SIPA1L1: variants seen among roughly 807,000 people sequenced by gnomAD.
SIPA1L1 encodes signal-induced proliferation-associated 1-like protein 1.
SIPA1L1 carries 26 observed loss-of-function variants against 162.7 expected under a neutral mutation model. The ratio of observed to expected loss-of-function variants is 0.16; its 90% CI spans 0.12 to 0.22. The LOEUF is 0.22. Among genes scored for constraint, SIPA1L1 ranks in the 10% least tolerant of loss-of-function variants. The probability of loss-of-function intolerance (pLI) is 1.00; values close to 1 mark genes in which losing one functional copy is unlikely to be tolerated. For missense variants in SIPA1L1, 1,874 were observed against 2,241.0 expected, an observed-to-expected ratio of 0.84 and a Z score of 3.31; for synonymous variants, 829 against 837.4, an observed-to-expected ratio of 0.99 and a Z score of 0.17.
chr14:71,602,464 T>C (rs1257646111), intron 5 of SIPA1L1, among the ~76,000 whole-genome samples: 1 of 152,264 alleles, frequency 6.6e-6, no homozygotes, highest in African/African-American at 2.4e-5. Context: ...TTGAGACTTA[T>C]TTGGGTCCTA....
intron 2 of SIPA1L1, among the ~76,000 whole-genome samples, chr14:71,480,969 T>G (rs937600840): frequency 3.9e-5 from 6 of 152,214 alleles, no homozygotes; most frequent in Non-Finnish European, 7.3e-5. Context: ...ATATGTAAAT[T>G]TACATTTAGT....
chr14:71,603,969 A>G (rs1441843924), intron 5 of SIPA1L1, among the ~76,000 whole-genome samples: 1 of 144,764 alleles, frequency 6.9e-6, no homozygotes, highest in Non-Finnish European at 1.5e-5. Context: ...ATTTATATAT[A>G]GATATATTTA....
At chr14:71,531,644 A>G (rs1290270151) in intron 4 of SIPA1L1, among the ~76,000 whole-genome samples, 1 of 152,102 alleles carries the variant, frequency 6.6e-6, no homozygotes, top group Non-Finnish European at 1.5e-5. Context: ...AGCTCATTGC[A>G]GCCTCGACCT....
At chr14:71,494,567 C>G (rs373977074) in intron 2 of SIPA1L1, among the ~76,000 whole-genome samples, 1 of 148,488 alleles carries the variant, frequency 6.7e-6, no homozygotes, top group East Asian at 1.9e-4. Context: ...TACTGTGTCA[C>G]CCAGGCTGGA....
At chr14:71,447,212 C>G (rs1397489688) in intron 2 of SIPA1L1, among the ~76,000 whole-genome samples, 1 of 151,866 alleles carries the variant, frequency 6.6e-6, no homozygotes, top group Non-Finnish European at 1.5e-5. Flanking sequence ...CCACGCTTAT[C>G]CTCTGTTAGC....
chr14:71,672,362 C>T lies in SIPA1L1; in HGVS notation c.2844C>T (p.Gly948=). Residue 948 remains glycine, a synonymous_variant, in exon 12 of 24, where the codon GGC becomes GGT. Transcript: ENST00000381232. ...TCCTTGTCTAGTTTGTTTCAAAAGG[C>T]TGTGAATCGGTGGAGATGACTCTGC... is the stretch of plus-strand genomic sequence containing the variant. ...IVKRLQFVSK[G]CESVEMTLRR... 6.2e-7 allele frequency: 1 copy of T among 1,614,096 alleles called. No homozygotes were observed. Among genetic ancestry groups the T allele is most frequent in the Non-Finnish European group, 8.5e-7 (1 of 1,179,958 alleles).
At chr14:71,717,535 C>T (rs2083366735) in intron 17 of SIPA1L1, among the ~76,000 whole-genome samples, 1 of 152,128 alleles carries the variant, frequency 6.6e-6, no homozygotes, top group Admixed American at 6.5e-5. Flanking sequence ...ATTCCTATGA[C>T]AAGATTTAAC....
chr14:71,463,291 T>C lies in SIPA1L1; in HGVS notation c.-464-49452T>C, dbSNP rs182268785. Among the ~76,000 whole-genome samples the C allele has an allele frequency of 1.4e-3, 211 of 152,286 alleles. 1 individual carries two copies. The highest frequency in any genetic ancestry group is 6.8e-3 in the Middle Eastern group (2 of 294). ...GAGCCAATCTGGGGGTTCTACCAGC[T>C]CCTAATTATGCCTATGCCAATTACG... On this transcript the variant is annotated intron_variant, in intron 2 of 23. Coordinates refer to ENST00000381232, the MANE Select transcript of SIPA1L1 (RefSeq NM_001386936.1).
chr14:71,732,696 C>T (rs1030703087), intron 20 of SIPA1L1, among the ~76,000 whole-genome samples: 2 of 152,336 alleles, frequency 1.3e-5, no homozygotes, highest in Middle Eastern at 3.4e-3. Context: ...AAGAATAGCT[C>T]GTGTGATGAC....
chr14:71,724,658 T>C lies in SIPA1L1; in HGVS notation c.4449-12T>C, dbSNP rs747052724. ...GAGTTGGTATCTATCATCTCTTCCC[T>C]TTTTTGTCCAGGCGTCATCAGAGCG... On this transcript the variant is annotated splice_polypyrimidine_tract_variant and intron_variant, in intron 18 of 23. Coordinates refer to ENST00000381232, the MANE Select transcript of SIPA1L1 (RefSeq NM_001386936.1). 1.2e-5 allele frequency: 20 copies of C among 1,606,342 alleles called. No homozygotes were observed. Among genetic ancestry groups the C allele is most frequent in the Admixed American group, 6.9e-5 (4 of 58,170 alleles).
At chr14:71,438,757 G>A (rs1347252679) in intron 2 of SIPA1L1, among the ~76,000 whole-genome samples, 1 of 152,138 alleles carries the variant, frequency 6.6e-6, no homozygotes, top group Non-Finnish European at 1.5e-5. Flanking sequence ...GAAGTAAGGA[G>A]GTAGAATTGG....
chr14:71,370,643 T>G (rs1238174648), intron 2 of SIPA1L1, among the ~76,000 whole-genome samples: 1 of 152,192 alleles, frequency 6.6e-6, no homozygotes, highest in Non-Finnish European at 1.5e-5. Context: ...GAGCATACAT[T>G]ATCTCATTTC....
At chr14:71,386,203 G>A (rs763825550) in intron 2 of SIPA1L1, among the ~76,000 whole-genome samples, 59 of 152,284 alleles carry the variant, frequency 3.9e-4, no homozygotes, top group Admixed American at 2.6e-4. Context: ...ACAATAGACC[G>A]TCTGTAAGCT....
intron 2 of SIPA1L1, among the ~76,000 whole-genome samples, chr14:71,459,211 G>A (rs551920160): frequency 6.6e-6 from 1 of 152,188 alleles, no homozygotes; most frequent in African/African-American, 2.4e-5. Context: ...GAGGTTTATA[G>A]TCACACACTT....
intron 2 of SIPA1L1, among the ~76,000 whole-genome samples, chr14:71,361,524 C>T (rs891756267): frequency 1.3e-5 from 2 of 152,216 alleles, no homozygotes; most frequent in Non-Finnish European, 2.9e-5. Context: ...TCACTTTATC[C>T]TGGTCAACGG....
chr14:71,636,984 G>A (rs528802885), intron 7 of SIPA1L1, among the ~76,000 whole-genome samples: 3 of 151,548 alleles, frequency 2.0e-5, no homozygotes, highest in East Asian at 1.9e-4. Context: ...CCGGGAGGCA[G>A]GGGTCGCAGT....
chr14:71,473,823 G>A (rs1226230136), intron 2 of SIPA1L1, among the ~76,000 whole-genome samples: 1 of 152,144 alleles, frequency 6.6e-6, no homozygotes, highest in Non-Finnish European at 1.5e-5. Flanking sequence ...TTCCAAATAA[G>A]TGCATTTGCT....
chr14:71,432,335 A>G (rs1199339454), intron 2 of SIPA1L1, among the ~76,000 whole-genome samples: 1 of 151,968 alleles, frequency 6.6e-6, no homozygotes, highest in African/African-American at 2.4e-5. Flanking sequence ...GGCCTCCCAG[A>G]TTGTTGAGAT....
chr14:71,439,570 A>G (rs2044669695), intron 2 of SIPA1L1, among the ~76,000 whole-genome samples: 2 of 152,216 alleles, frequency 1.3e-5, no homozygotes, highest in African/African-American at 2.4e-5. Context: ...ATGGAATGGA[A>G]AACATTAATT....
Sources: gnomAD v4.1 joint callset for allele counts (sites outside exome capture counted in the v4.1 genomes callset) on GRCh38, gnomAD v4.1.1 for gene constraint, MANE v1.5 for transcripts, NCBI Gene and HGNC (gene_info 2026-07-23, HGNC 2026-07-21) for gene names.